PDZD2: variants seen among roughly 807,000 people sequenced by gnomAD.
PDZD2 encodes the protein PDZ domain-containing protein 2.
PDZD2 carries 90 observed loss-of-function variants against 220.7 expected under a neutral mutation model. The observed-to-expected ratio is 0.41, with a 90% CI of 0.34 to 0.49. The LOEUF (loss-of-function observed/expected upper bound fraction) is 0.49, where lower values mean the gene tolerates loss of function less well. Ranked by LOEUF, PDZD2 falls within the 20% of genes least tolerant of loss-of-function variation. PDZD2 has a pLI of 0.28. For missense variants in PDZD2, 3,174 were observed against 3,608.5 expected, an observed-to-expected ratio of 0.88 and a Z score of 3.08; for synonymous variants, 1,375 against 1,450.5, an observed-to-expected ratio of 0.95 and a Z score of 1.18.
intron 2 of PDZD2, among the ~76,000 whole-genome samples, chr5:31,849,876 A>T (rs1757817084): frequency 2.2e-5 from 1 of 44,644 alleles, no homozygotes; most frequent in African/African-American, 2.3e-4. Flanking sequence ...ATATACATAT[A>T]TATATATATA....
chr5:32,006,681 CT>C (rs76703572), intron 5 of PDZD2, among the ~76,000 whole-genome samples: 2,538 of 116,592 alleles, frequency 0.022, 80 homozygotes, highest in African/African-American at 0.094. Context: ...GGCTCAACAC[CT>C]TTTTTTTTTT....
intron 2 of PDZD2, chr5:31,908,942 G>A (rs192032829): frequency 1.7e-4 from 57 of 337,068 alleles, no homozygotes; most frequent in Non-Finnish European, 1.9e-4. Flanking sequence ...AGCTACTTGG[G>A]AGGCTGAGGT....
intron 1 of PDZD2, among the ~76,000 whole-genome samples, chr5:31,678,731 C>T (rs746177449): frequency 2.6e-5 from 4 of 152,110 alleles, no homozygotes; most frequent in Non-Finnish European, 5.9e-5. Context: ...CTCAGCCTCT[C>T]GAGTGTCTGG....
chr5:31,803,225 G>A (rs1754507103), intron 2 of PDZD2, among the ~76,000 whole-genome samples: 1 of 143,344 alleles, frequency 7.0e-6, no homozygotes, highest in Non-Finnish European at 1.5e-5. Context: ...AGCTTCTCTA[G>A]TAACTGTGTC....
At chr5:32,086,279 G>T (rs1204059322) in intron 19 of PDZD2, among the ~76,000 whole-genome samples, 1 of 152,164 alleles carries the variant, frequency 6.6e-6, no homozygotes, top group East Asian at 1.9e-4. Context: ...CCACTGGCCA[G>T]ATACTGGGAC....
At chr5:31,846,014 A>G (rs1757563168) in intron 2 of PDZD2, among the ~76,000 whole-genome samples, 1 of 152,208 alleles carries the variant, frequency 6.6e-6, no homozygotes, top group Non-Finnish European at 1.5e-5. Flanking sequence ...ACAAATTAGT[A>G]TATCTTTGGA....
Position 31,871,741 on chromosome 5 carries a change from G to A in PDZD2, c.476+72017G>A, listed in dbSNP as rs1053336318. 3.2e-4 allele frequency among the ~76,000 whole-genome samples: 49 copies of A among 152,344 alleles called. No homozygotes were observed. The Middle Eastern group carries it at 0.014, about 42-fold the overall frequency. On this transcript the variant is annotated intron_variant, in intron 2 of 24. Transcript: ENST00000438447. ...TGGGATTACAGGCATGAGCCACTGT[G>A]CCTGGCCCGTACTTGAGCTTTCATC...
chr5:31,790,373 C>T (rs1280686453), intron 1 of PDZD2, among the ~76,000 whole-genome samples: 2 of 152,344 alleles, frequency 1.3e-5, no homozygotes, highest in South Asian at 2.1e-4. Flanking sequence ...GCTGGGATTA[C>T]AGGCGTGAGC....
chr5:32,057,814 T>A (rs545453075), intron 11 of PDZD2, 64 bp from the exon 12 acceptor site: 3 of 1,444,918 alleles, frequency 2.1e-6, no homozygotes, highest in Admixed American at 1.8e-5. Context: ...GTTTTTTTTT[T>A]TTAACCCTTT....
chr5:31,803,261 CTTTT>C lies in PDZD2; in HGVS notation c.476+3556_476+3559del, dbSNP rs759569783. Among the ~76,000 whole-genome samples, 224 of 92,220 alleles carry C rather than the reference CTTTT, an allele frequency of 2.4e-3. 1 individual carries two copies. Among genetic ancestry groups the C allele is most frequent in the Non-Finnish European group, 3.0e-3 (155 of 50,938 alleles). The allele number at this position is 92,220 out of a possible 152,430, so 60.5% of individuals were successfully genotyped here. On this transcript the variant is annotated intron_variant, in intron 2 of 24. Coordinates refer to ENST00000438447, the MANE Select transcript of PDZD2 (RefSeq NM_178140.4). The stretch of plus-strand genomic sequence containing the variant: ...TGCAGGTGTGCACCACTGCATCTGG[CTTTT>C]TTTTTTTTTTTTTTTTTTGTAGAGA...
chr5:32,046,951 G>T (rs2112279330), intron 7 of PDZD2, among the ~76,000 whole-genome samples: 1 of 152,210 alleles, frequency 6.6e-6, no homozygotes, highest in East Asian at 1.9e-4. Context: ...ACTGAGGCAG[G>T]AGAATCACTT....
intron 24 of PDZD2, among the ~76,000 whole-genome samples, chr5:32,104,781 A>C (rs1054691388): frequency 4.0e-5 from 6 of 151,084 alleles, no homozygotes; most frequent in Non-Finnish European, 8.8e-5. Flanking sequence ...AAAATTTATA[A>C]GCAAATTCAA....
At chr5:32,037,182 C>T (rs985338590) in intron 6 of PDZD2, 49 bp from the exon 7 acceptor site, 2 of 1,165,454 alleles carry the variant, frequency 1.7e-6, no homozygotes, top group Non-Finnish European at 2.6e-6. Context: ...CAGCATAAGT[C>T]ATCGCAGGGC....
At chr5:31,840,394 CATTA>C (rs1218711628) in intron 2 of PDZD2, 10 of 84,918 alleles carry the variant, frequency 1.2e-4, no homozygotes, top group African/African-American at 4.8e-4. Flanking sequence ...TAGTCATTTT[CATTA>C]TATATATATA....
intron 2 of PDZD2, among the ~76,000 whole-genome samples, chr5:31,887,831 G>T (rs575955404): frequency 1.4e-5 from 2 of 147,890 alleles, no homozygotes; most frequent in Admixed American, 6.8e-5. Flanking sequence ...GGGGAGGGGG[G>T]GAACAGCACT....
chr5:32,002,680 CCAACACACACCA>C (rs1752261585), intron 5 of PDZD2, among the ~76,000 whole-genome samples: 1 of 131,350 alleles, frequency 7.6e-6, no homozygotes, highest in Non-Finnish European at 1.6e-5. Flanking sequence ...CACACACACA[CCAACACACACCA>C]CACACACCAC....
At chr5:31,796,901 A>G (rs59564491) in intron 1 of PDZD2, among the ~76,000 whole-genome samples, 10,531 of 147,468 alleles carry the variant, frequency 0.071, 1,128 homozygotes, top group East Asian at 0.53. Context: ...CAAGATATTT[A>G]CGGGGTTTTT....
intron 1 of PDZD2, among the ~76,000 whole-genome samples, chr5:31,658,232 A>G (rs915376147): frequency 2.0e-5 from 3 of 151,948 alleles, no homozygotes; most frequent in South Asian, 2.1e-4. Flanking sequence ...CTCCCCTTCA[A>G]ACTTTGACCT....
chr5:31,660,707 A>G (rs1745726909), intron 1 of PDZD2, among the ~76,000 whole-genome samples: 1 of 152,142 alleles, frequency 6.6e-6, no homozygotes, highest in Non-Finnish European at 1.5e-5. Context: ...TGGGAACTAC[A>G]ATTCAAGATG....
Sources: allele counts gnomAD v4.1 joint callset (sites outside exome capture counted in the v4.1 genomes callset), GRCh38; gene constraint gnomAD v4.1.1; transcripts MANE v1.5; gene names NCBI Gene and HGNC (gene_info 2026-07-23, HGNC 2026-07-21).